The following GPHN variants were observed in gnomAD, a reference collection of about 807,000 sequenced individuals.
GPHN encodes the protein gephyrin.
A neutral mutation model predicts 95.5 loss-of-function variants in GPHN; 17 were observed. The observed-to-expected ratio is 0.18, with a 90% confidence interval of 0.12 to 0.27. The LOEUF (loss-of-function observed/expected upper bound fraction) is 0.27. GPHN is among the 10% of genes least tolerant of loss of function. The pLI is 1.00. For missense variants in GPHN, 660 were observed against 978.1 expected (o/e 0.67, Z 4.34); for synonymous variants, 320 against 322.5 (o/e 0.99, Z 0.08).
intron 1 of GPHN, among the ~76,000 whole-genome samples, chr14:66,559,488 A>G (rs1157074264): frequency 6.7e-6 from 1 of 149,286 alleles, no homozygotes; most frequent in Non-Finnish European, 1.5e-5. Context: ...TCTGATGGTC[A>G]GTGATGATGA....
chr14:67,105,121 A>G (rs1354425297), intron 13 of GPHN, among the ~76,000 whole-genome samples: 2 of 151,978 alleles, frequency 1.3e-5, no homozygotes, highest in Non-Finnish European at 2.9e-5. Flanking sequence ...CATATTTTGT[A>G]ATTTCTACAT....
At chr14:66,766,582 G>A (rs905004980) in intron 2 of GPHN, among the ~76,000 whole-genome samples, 1 of 151,972 alleles carries the variant, frequency 6.6e-6, no homozygotes, top group Admixed American at 6.6e-5. Context: ...CCTAAGATAC[G>A]TATGGCACAT....
At chr14:67,586,905 C>T in the GPHN span, 2 of 1,534,050 alleles carry the variant, frequency 1.3e-6, no homozygotes, top group Non-Finnish European at 1.8e-6. Context: ...ACCACTGGGC[C>T]TCTGAACAGC....
At chr14:67,681,169 G>T in the GPHN span, among the ~76,000 whole-genome samples, 2 of 152,230 alleles carry the variant, frequency 1.3e-5, no homozygotes, top group Admixed American at 6.5e-5. Flanking sequence ...CACCAGGAGT[G>T]TGTGTACATA....
the GPHN span, among the ~76,000 whole-genome samples, chr14:67,711,413 T>G: frequency 6.6e-6 from 1 of 152,242 alleles, no homozygotes; most frequent in African/African-American, 2.4e-5. Flanking sequence ...ACCAATAATT[T>G]TAAAGCTAGC....
chr14:67,174,928 G>A (rs147123297), intron 21 of GPHN, among the ~76,000 whole-genome samples: 112 of 152,152 alleles, frequency 7.4e-4, no homozygotes, highest in African/African-American at 2.7e-3. Flanking sequence ...TGATGGGGTT[G>A]TTTTTTTCTT....
chr14:66,815,057 A>T (rs1458460683), intron 3 of GPHN, among the ~76,000 whole-genome samples: 3 of 152,236 alleles, frequency 2.0e-5, no homozygotes, highest in Non-Finnish European at 2.9e-5. Flanking sequence ...CTGAGGAAAG[A>T]ATCTCAGAGC....
intron 1 of GPHN, among the ~76,000 whole-genome samples, chr14:66,644,421 C>G (rs1349798676): frequency 6.6e-6 from 1 of 151,940 alleles, no homozygotes; most frequent in East Asian, 1.9e-4. Context: ...TTAGATAAAC[C>G]TTTATCTATG....
At chr14:66,593,650 C>A (rs2061852716) in intron 1 of GPHN, among the ~76,000 whole-genome samples, 1 of 152,078 alleles carries the variant, frequency 6.6e-6, no homozygotes, top group Non-Finnish European at 1.5e-5. Context: ...GACACAAAGC[C>A]AAATCATATC....
chr14:66,829,013 TCTCA>T (rs1302576491), intron 4 of GPHN, among the ~76,000 whole-genome samples: 1 of 151,820 alleles, frequency 6.6e-6, no homozygotes, highest in Non-Finnish European at 1.5e-5. Flanking sequence ...GCATGATAAT[TCTCA>T]CTCATCAACT....
chr14:67,489,584 TC>T, the GPHN span, among the ~76,000 whole-genome samples: 1 of 152,130 alleles, frequency 6.6e-6, no homozygotes, highest in Non-Finnish European at 1.5e-5. Flanking sequence ...CAGACCCTGC[TC>T]CCTCCTCACT....
At chr14:67,336,268 A>T in the GPHN span, 1 of 151,848 alleles carries the variant, frequency 6.6e-6, no homozygotes, top group Admixed American at 6.5e-5. Flanking sequence ...CAACAAACAA[A>T]AAGTTTCTTA....
At chr14:67,127,706 G>A (rs1470340659) in intron 17 of GPHN, among the ~76,000 whole-genome samples, 1 of 152,146 alleles carries the variant, frequency 6.6e-6, no homozygotes, top group Non-Finnish European at 1.5e-5. Flanking sequence ...GGCTATGGAA[G>A]ATACAAAATT....
the GPHN span, chr14:67,359,707 T>C: frequency 8.7e-6 from 14 of 1,613,720 alleles, no homozygotes; most frequent in South Asian, 1.3e-4. Flanking sequence ...ATTCTGACGA[T>C]AACTTTTCGG....
intron 4 of GPHN, among the ~76,000 whole-genome samples, chr14:66,869,300 T>C (rs929220349): frequency 4.6e-5 from 7 of 152,354 alleles, no homozygotes; most frequent in South Asian, 4.1e-4. Flanking sequence ...GCATATGTGA[T>C]TGAAAGTGAT....
the GPHN span, among the ~76,000 whole-genome samples, chr14:67,234,374 G>A: frequency 3.3e-5 from 5 of 152,202 alleles, no homozygotes; most frequent in African/African-American, 7.2e-5. Flanking sequence ...TGGTGTTTCA[G>A]AAGCCCAGAG....
the GPHN span, among the ~76,000 whole-genome samples, chr14:67,623,903 T>C: frequency 6.6e-6 from 1 of 152,122 alleles, no homozygotes; most frequent in Non-Finnish European, 1.5e-5. Context: ...TGCAGTGGCA[T>C]AGTCACAGCC....
At chr14:66,979,323 A>G (rs1345625246) in intron 9 of GPHN, among the ~76,000 whole-genome samples, 2 of 152,202 alleles carry the variant, frequency 1.3e-5, no homozygotes, top group Non-Finnish European at 2.9e-5. Context: ...TTTTATCTAC[A>G]CTGAAAATCT....
At chr14:66,880,169 C>T (rs1475254123) in intron 5 of GPHN, 136 bp downstream of exon 5, 1 of 688,288 alleles carries the variant, frequency 1.5e-6, no homozygotes, top group East Asian at 2.8e-5. Flanking sequence ...TTATACTAAT[C>T]ACTTAATAAA....
Sources: allele counts gnomAD v4.1 joint callset (sites outside exome capture counted in the v4.1 genomes callset), GRCh38; gene constraint gnomAD v4.1.1; transcripts MANE v1.5; gene names NCBI Gene and HGNC (gene_info 2026-07-23, HGNC 2026-07-21).